Variants in KIAA0513 observed in about 807,000 individuals in gnomAD.
The protein encoded by KIAA0513 is uncharacterized protein KIAA0513.
In KIAA0513, 39 loss-of-function variants were observed where a neutral mutation model predicts 56.5. That is an observed-to-expected ratio of 0.69 (90% CI 0.53 to 0.90). The LOEUF is 0.90. Among genes scored for constraint, KIAA0513 ranks in the 40% least tolerant of loss-of-function variants. The pLI is 0.00. For synonymous variants in KIAA0513, 268 were observed against 215.6 expected (o/e 1.24, Z -2.13); for missense variants, 591 against 535.2 (o/e 1.10, Z -1.03).
intron 4 of KIAA0513, among the ~76,000 whole-genome samples, chr16:85,074,499 A>C (rs2073628393): frequency 6.6e-6 from 1 of 152,186 alleles, no homozygotes; most frequent in South Asian, 2.1e-4. Flanking sequence ...CTTGAGTCCC[A>C]GTTCTCCTGC....
intron 1 of KIAA0513, among the ~76,000 whole-genome samples, chr16:85,051,821 GTTT>G (rs573419828): frequency 7.1e-6 from 1 of 141,754 alleles, no homozygotes; most frequent in African/African-American, 2.6e-5. Context: ...TCCCTCTCAT[GTTT>G]TTTTTTTTTT....
intron 10 of KIAA0513, among the ~76,000 whole-genome samples, chr16:85,083,527 C>A (rs1439788430): frequency 6.6e-6 from 1 of 152,198 alleles, no homozygotes; most frequent in African/African-American, 2.4e-5. Context: ...TTTAACCAGC[C>A]TTCCAGGAAC....
chr16:85,079,976 C>T (rs1233071755), intron 8 of KIAA0513, among the ~76,000 whole-genome samples: 2 of 152,292 alleles, frequency 1.3e-5, no homozygotes, highest in African/African-American at 4.8e-5. Flanking sequence ...TTTGCTAGCA[C>T]CTGGAATCAG....
Position 85,078,982 on chromosome 16 carries a change from A to G in KIAA0513, c.881A>G (p.His294Arg). 9 of 1,614,126 alleles carry G rather than the reference A, an allele frequency of 5.6e-6. No homozygotes were observed. The highest frequency in any genetic ancestry group is 5.9e-6 in the Non-Finnish European group (7 of 1,180,012). ...GGGGAGAAGATCTACCTGTACACGC[A>G]CCTGAAGCAACAGCCCATCTGGTAA... is the stretch of plus-strand genomic sequence containing the variant. ...KKGEKIYLYT[H>R]LKQQPIWHTL... is the part of the protein sequence containing the mutation. Residue 294 changes from histidine (H) to arginine (R), a missense_variant, in exon 8 of 13, where the codon CAC becomes CGC. His to Arg is a conservative substitution (Grantham distance 29). Coordinates refer to ENST00000683363, the MANE Select transcript of KIAA0513 (RefSeq NM_001388359.1).
In KIAA0513 at chr16:85,077,698, AC is replaced by A. The variant is rs201319263; in HGVS notation, c.782+67del. The A allele has an allele frequency of 3.4e-3, 4,305 of 1,261,064 alleles. 17 individuals carry two copies. Among genetic ancestry groups the A allele is most frequent in the Middle Eastern group, 9.6e-3 (39 of 4,082 alleles). The allele number at this position is 1,261,064 out of a possible 1,614,324, so 78.1% of individuals were successfully genotyped here. ...GGGGAGAGGCTGGTGTGGAGCTCGG[AC>A]GGGGGCAGCAGGGAGGGTGCGGGTG... is the stretch of plus-strand genomic sequence containing the variant. On this transcript the variant is annotated intron_variant, in intron 6 of 12. Coordinates refer to ENST00000683363, the MANE Select transcript of KIAA0513 (RefSeq NM_001388359.1).
At chr16:85,055,789 G>A (rs2073320503) in intron 1 of KIAA0513, among the ~76,000 whole-genome samples, 1 of 152,216 alleles carries the variant, frequency 6.6e-6, no homozygotes, top group East Asian at 1.9e-4. Flanking sequence ...TTTCGGAGAT[G>A]AGAAATCGTG....
At chr16:85,036,476 A>G (rs2073038071) in intron 1 of KIAA0513, among the ~76,000 whole-genome samples, 1 of 152,140 alleles carries the variant, frequency 6.6e-6, no homozygotes, top group Non-Finnish European at 1.5e-5. Flanking sequence ...TTGCTATTGT[A>G]GCACGTGTCC....
chr16:85,074,946 T>C (rs1050894566), intron 4 of KIAA0513, among the ~76,000 whole-genome samples: 38 of 151,932 alleles, frequency 2.5e-4, no homozygotes, highest in Admixed American at 4.6e-4. Context: ...ATAAGTAACG[T>C]TGGGGAGGGA....
Position 85,092,744 on chromosome 16 carries a change from G to A in KIAA0513, c.*4419G>A, listed in dbSNP as rs1050337536. On this transcript the variant is annotated 3_prime_UTR_variant, in exon 13 of 13. Coordinates refer to ENST00000683363, the MANE Select transcript of KIAA0513 (RefSeq NM_001388359.1). Reference sequence around the variant, plus strand: ...TTTTCCCAGCTGCGTCCACAGGAAAGGGGAGTCGGATGCCAGCTGCACCCC... The same window carrying A: ...TTTTCCCAGCTGCGTCCACAGGAAAAGGGAGTCGGATGCCAGCTGCACCCC... 1.8e-4 allele frequency: 28 copies of A among 152,296 alleles called. No homozygotes were observed. The highest frequency in any genetic ancestry group is 6.0e-4 in the African/African-American group (25 of 41,440). The allele number at this position is 152,296 out of a possible 1,614,324, so 9.4% of individuals were successfully genotyped here.
chr16:85,059,569 C>T (rs1331694229), intron 1 of KIAA0513, among the ~76,000 whole-genome samples: 1 of 152,234 alleles, frequency 6.6e-6, no homozygotes, highest in East Asian at 1.9e-4. Flanking sequence ...TCCCCGCACA[C>T]ACCCCTCTTC....
At position 85,078,958 on chromosome 16, in the gene KIAA0513, G is replaced by C. The variant is rs372507167; in HGVS notation, c.857G>C (p.Gly286Ala). 1 of 1,614,132 alleles carries C rather than the reference G, an allele frequency of 6.2e-7. No homozygotes were observed. ...TACAGCCCCGAGGACGAAAAGAAGG[G>C]GGAGAAGATCTACCTGTACACGCAC... is the stretch of plus-strand genomic sequence containing the variant. ...TAYSPEDEKK[G>A]EKIYLYTHLK... The change falls in exon 8 of 13, where the codon GGG becomes GCG. Residue 286 changes from glycine to alanine, a missense_variant. Gly to Ala is a moderately conservative substitution (Grantham distance 60, BLOSUM62 0). Coordinates refer to ENST00000683363, the MANE Select transcript of KIAA0513 (RefSeq NM_001388359.1).
At chr16:85,041,443 G>A (rs1157883995) in intron 1 of KIAA0513, among the ~76,000 whole-genome samples, 1 of 152,198 alleles carries the variant, frequency 6.6e-6, no homozygotes, top group African/African-American at 2.4e-5. Flanking sequence ...AGAGCGTATG[G>A]CACGTGGCTG....
At chr16:85,085,817 C>G (rs1187171901) in intron 10 of KIAA0513, among the ~76,000 whole-genome samples, 1 of 152,252 alleles carries the variant, frequency 6.6e-6, no homozygotes, top group Non-Finnish European at 1.5e-5. Flanking sequence ...GAGAACGCAT[C>G]AGGGTCCCCG....
intron 1 of KIAA0513, among the ~76,000 whole-genome samples, chr16:85,034,189 G>T (rs976278510): frequency 7.2e-5 from 11 of 152,068 alleles, no homozygotes; most frequent in African/African-American, 2.7e-4. Flanking sequence ...GACCAGCCTG[G>T]CCAACATGGT....
At chr16:85,034,464 A>G (rs1261423371) in intron 1 of KIAA0513, among the ~76,000 whole-genome samples, 1 of 152,164 alleles carries the variant, frequency 6.6e-6, no homozygotes, top group East Asian at 1.9e-4. Context: ...CTTAGCAGAA[A>G]TGAGTCTGTA....
chr16:85,077,495 C>T lies in KIAA0513; in HGVS notation c.645C>T (p.Ser215=), dbSNP rs373453500. 569 of 1,614,188 alleles carry T rather than the reference C, an allele frequency of 3.5e-4. 5 individuals carry two copies. The South Asian group carries it at 5.6e-3, about 16-fold the overall frequency. ...PAGSIDSYLK[S]ANSWLAEKKD... is the part of the protein sequence containing the mutation. ...GCAGCATCGACTCCTACCTGAAATCCGCAAACAGCTGGCTGGCCGAAAAGA... is the reference window on the plus strand; with the variant it reads ...GCAGCATCGACTCCTACCTGAAATCTGCAAACAGCTGGCTGGCCGAAAAGA... Residue 215 remains serine (S), a synonymous_variant, in exon 6 of 13, where the codon TCC becomes TCT. Coordinates refer to ENST00000683363, the MANE Select transcript of KIAA0513 (RefSeq NM_001388359.1).
At chr16:85,070,183 A>G (rs1287931664) in intron 2 of KIAA0513, among the ~76,000 whole-genome samples, 2 of 135,964 alleles carry the variant, frequency 1.5e-5, no homozygotes, top group Non-Finnish European at 3.3e-5. Context: ...AAAAAAAAAA[A>G]GAAAAAAGAA....
chr16:85,088,930 C>T lies in KIAA0513; in HGVS notation c.*605C>T, dbSNP rs535061935. 15 of 153,212 alleles carry T rather than the reference C, an allele frequency of 9.8e-5. No individual in the cohort carries two copies. Among genetic ancestry groups the T allele is most frequent in the Non-Finnish European group, 1.0e-4 (7 of 68,658 alleles). 9.5% of individuals were successfully genotyped at this position (153,212 alleles called of 1,614,324 possible). A position where few individuals can be genotyped will look rare whatever the true frequency, so the allele number is the denominator to read the frequency against. On this transcript the variant is annotated 3_prime_UTR_variant, in exon 13 of 13. Coordinates refer to ENST00000683363, the MANE Select transcript of KIAA0513 (RefSeq NM_001388359.1). ...GCCTGTGTTAGGGAGAGAGTGGGTG[C>T]GGTGTAGAGGATGCTCTTGGCCGGC... is the stretch of plus-strand genomic sequence containing the variant.
intron 1 of KIAA0513, among the ~76,000 whole-genome samples, chr16:85,053,692 ACTAC>A (rs1385046380): frequency 2.0e-5 from 3 of 151,890 alleles, no homozygotes; most frequent in Non-Finnish European, 1.5e-5. Context: ...AGAAGTTGTC[ACTAC>A]AAAAAAATTT....
Sources: allele counts gnomAD v4.1 joint callset (sites outside exome capture counted in the v4.1 genomes callset), GRCh38; gene constraint gnomAD v4.1.1; transcripts MANE v1.5; gene names NCBI Gene and HGNC (gene_info 2026-07-23, HGNC 2026-07-21).